Variants in KIAA1549L observed in about 807,000 individuals in gnomAD.
KIAA1549L encodes UPF0606 protein KIAA1549L.
A neutral mutation model predicts 160.7 loss-of-function variants in KIAA1549L; 88 were observed. The ratio of observed to expected loss-of-function variants is 0.55; its 90% confidence interval spans 0.46 to 0.65. KIAA1549L has a LOEUF of 0.65. Among genes scored for constraint, KIAA1549L ranks in the 30% least tolerant of loss-of-function variants. The probability of loss-of-function intolerance (pLI) is 0.00; values close to 1 mark genes in which losing one functional copy is unlikely to be tolerated. For missense variants in KIAA1549L, 2,258 were observed against 2,437.5 expected, an observed-to-expected ratio of 0.93 and a Z score of 1.55; for synonymous variants, 950 against 976.7, an observed-to-expected ratio of 0.97 and a Z score of 0.51.
chr11:33,457,901 A>C (rs1331196998), intron 1 of KIAA1549L, among the ~76,000 whole-genome samples: 1 of 152,096 alleles, frequency 6.6e-6, no homozygotes, highest in Non-Finnish European at 1.5e-5. Context: ...GGCCAGGCCC[A>C]CACAGAGTCC....
chr11:33,407,509 T>G (rs529906305), intron 1 of KIAA1549L, among the ~76,000 whole-genome samples: 13 of 151,986 alleles, frequency 8.6e-5, no homozygotes, highest in African/African-American at 2.4e-4. Flanking sequence ...CCACCGTGCC[T>G]TGCTAATTTT....
Position 33,574,710 on chromosome 11 carries a change from G to A in KIAA1549L, c.4239G>A (p.Lys1413=). Residue 1413 remains lysine, a synonymous_variant, in exon 10 of 21, where the codon AAG becomes AAA. Coordinates refer to ENST00000658780, the MANE Select transcript of KIAA1549L (RefSeq NM_012194.3). ...TLGSYTVQMV[K]MQRVPGPKDP... is the part of the protein sequence containing the mutation. ...CTCTCTTTTTCCGAAAGATGGTGAA[G>A]ATGCAGCGTGTCCCAGGCCCGAAGG... 1 of 1,608,880 alleles carries A rather than the reference G, an allele frequency of 6.2e-7. No individual in the cohort carries two copies. The highest frequency in any genetic ancestry group is 8.5e-7 in the Non-Finnish European group (1 of 1,176,502).
chr11:33,472,533 A>C (rs983756652), intron 1 of KIAA1549L, among the ~76,000 whole-genome samples: 1 of 152,118 alleles, frequency 6.6e-6, no homozygotes, highest in Non-Finnish European at 1.5e-5. Flanking sequence ...CAGGGGCCAC[A>C]TACCTAGCTA....
At chr11:33,610,928 G>A (rs1850632838) in intron 15 of KIAA1549L, among the ~76,000 whole-genome samples, 1 of 152,218 alleles carries the variant, frequency 6.6e-6, no homozygotes, top group Non-Finnish European at 1.5e-5. Flanking sequence ...GAGAGCAAGA[G>A]CAGGCCAAAT....
chr11:33,593,448 T>C (rs529920021), intron 12 of KIAA1549L, among the ~76,000 whole-genome samples: 16 of 151,996 alleles, frequency 1.1e-4, no homozygotes, highest in Non-Finnish European at 1.3e-4. Context: ...CAAAATAAAA[T>C]ATAATTAAAA....
intron 7 of KIAA1549L, among the ~76,000 whole-genome samples, chr11:33,560,907 T>TAA (rs1854836208): frequency 6.6e-6 from 1 of 152,202 alleles, no homozygotes; most frequent in African/African-American, 2.4e-5. Context: ...ACTCTGGGTT[T>TAA]TAGGGAAAAG....
chr11:33,492,586 A>G (rs1177712645), intron 1 of KIAA1549L, among the ~76,000 whole-genome samples: 1 of 152,118 alleles, frequency 6.6e-6, no homozygotes, highest in Non-Finnish European at 1.5e-5. Flanking sequence ...TTTGTTATTT[A>G]GGCTGCTCGG....
intron 16 of KIAA1549L, among the ~76,000 whole-genome samples, chr11:33,635,458 A>G (rs954919523): frequency 6.6e-6 from 1 of 152,170 alleles, no homozygotes; most frequent in Non-Finnish European, 1.5e-5. Flanking sequence ...TGAGCTGAAA[A>G]TCTGGGCTTT....
At chr11:33,490,717 C>T (rs183548230) in intron 1 of KIAA1549L, among the ~76,000 whole-genome samples, 2 of 152,308 alleles carry the variant, frequency 1.3e-5, no homozygotes, top group African/African-American at 4.8e-5. Context: ...CTAGTTCCAG[C>T]TGCAGTTAGA....
intron 11 of KIAA1549L, among the ~76,000 whole-genome samples, chr11:33,587,959 G>A (rs1180185561): frequency 6.6e-6 from 1 of 152,146 alleles, no homozygotes; most frequent in Non-Finnish European, 1.5e-5. Flanking sequence ...AGGGCTGTGG[G>A]AAGACTCATC....
At chr11:33,625,105 T>C (rs914277038) in intron 16 of KIAA1549L, among the ~76,000 whole-genome samples, 2 of 151,978 alleles carry the variant, frequency 1.3e-5, no homozygotes, top group African/African-American at 4.8e-5. Flanking sequence ...TTTTTATGGC[T>C]GCATAGTATT....
chr11:33,598,229 T>TGTGTGTCTGA (rs138775051), intron 12 of KIAA1549L, among the ~76,000 whole-genome samples: 1,917 of 148,048 alleles, frequency 0.013, 34 homozygotes, highest in Admixed American at 0.048. Context: ...TGTGTGTGTG[T>TGTGTGTCTGA]CAGAGTGAAG....
At chr11:33,402,695 C>T (rs942232226) in intron 1 of KIAA1549L, among the ~76,000 whole-genome samples, 3 of 152,154 alleles carry the variant, frequency 2.0e-5, no homozygotes, top group Admixed American at 1.3e-4. Flanking sequence ...CTTTGAAAAC[C>T]AGAAGCCCTG....
chr11:33,390,839 T>C (rs942436793), intron 1 of KIAA1549L, among the ~76,000 whole-genome samples: 7 of 152,194 alleles, frequency 4.6e-5, no homozygotes, highest in Non-Finnish European at 8.8e-5. Flanking sequence ...CCATGGCTGA[T>C]TTCAAGCTAC....
Position 33,591,284 on chromosome 11 carries a change from G to A in KIAA1549L, c.4614G>A (p.Gly1538=). ...DYAKQHLGQQ[G]ADEEVIPVTQ... ...CCAAGCAACACCTGGGCCAGCAAGG[G>A]GCAGATGAGGAGGTCATCCCTGTGA... The change falls in exon 12 of 21, where the codon GGG becomes GGA. Residue 1538 remains glycine (G), a synonymous_variant. Coordinates refer to ENST00000658780, the MANE Select transcript of KIAA1549L (RefSeq NM_012194.3). The A allele has an allele frequency of 1.2e-6, 2 of 1,613,654 alleles. No individual in the cohort carries two copies. The highest frequency in any genetic ancestry group is 1.7e-6 in the Non-Finnish European group (2 of 1,179,694).
At chr11:33,557,154 T>A (rs1431659812) in intron 6 of KIAA1549L, among the ~76,000 whole-genome samples, 3 of 151,888 alleles carry the variant, frequency 2.0e-5, no homozygotes, top group African/African-American at 7.3e-5. Context: ...TGCTTGGCAA[T>A]TTTTTTCTAT....
At chr11:33,612,792 G>T (rs1302470380) in intron 15 of KIAA1549L, among the ~76,000 whole-genome samples, 1 of 152,080 alleles carries the variant, frequency 6.6e-6, no homozygotes, top group African/African-American at 2.4e-5. Context: ...AGTGTCGGTT[G>T]TTCCATTTAT....
intron 1 of KIAA1549L, among the ~76,000 whole-genome samples, chr11:33,440,422 G>A (rs1384596359): frequency 1.3e-5 from 2 of 151,988 alleles, no homozygotes; most frequent in East Asian, 1.9e-4. Context: ...GAGCCACCGC[G>A]CCCGGCCTAT....
At chr11:33,489,208 C>T (rs1413980145) in intron 1 of KIAA1549L, among the ~76,000 whole-genome samples, 3 of 152,150 alleles carry the variant, frequency 2.0e-5, no homozygotes, top group Non-Finnish European at 4.4e-5. Flanking sequence ...GGCTGAAAGT[C>T]CAAGATCAGG....
Sources: allele counts gnomAD v4.1 joint callset (sites outside exome capture counted in the v4.1 genomes callset), GRCh38; gene constraint gnomAD v4.1.1; transcripts MANE v1.5; gene names NCBI Gene and HGNC (gene_info 2026-07-23, HGNC 2026-07-21).